Variants in CDKN2B-AS1 observed in about 807,000 individuals in gnomAD.
The protein encoded by CDKN2B-AS1 is CDKN2B antisense RNA 1 (non-protein coding).
intron 3 of CDKN2B-AS1, among the ~76,000 whole-genome samples, chr9:22,055,876 G>A (rs1482873265): frequency 1.3e-5 from 2 of 151,980 alleles, no homozygotes; most frequent in Non-Finnish European, 2.9e-5. Context: ...CATATAGGGA[G>A]GATGAATAAA....
chr9:21,996,923 C>A lies in CDKN2B-AS1; in HGVS notation n.29+1762C>A, dbSNP rs1229376576. On this transcript the variant is annotated intron_variant and non_coding_transcript_variant, in intron 1 of 4. Transcript: ENST00000650946. The surrounding 1 kb of genome is among the most constrained non-coding windows in gnomAD (Gnocchi z 5.4). Reference sequence around the variant, plus strand: ...AGGAGAAAAGGCACGTATTAAACATCTTTTGAAGTCGCTATCTATATCAGT... The same window carrying A: ...AGGAGAAAAGGCACGTATTAAACATATTTTGAAGTCGCTATCTATATCAGT... 6.6e-6 allele frequency among the ~76,000 whole-genome samples: 1 copy of A among 152,166 alleles called. No homozygotes were observed. Among genetic ancestry groups the A allele is most frequent in the Non-Finnish European group, 1.5e-5 (1 of 68,026 alleles).
chr9:22,071,420 G>A (rs948356635), intron 4 of CDKN2B-AS1, among the ~76,000 whole-genome samples: 6 of 147,346 alleles, frequency 4.1e-5, no homozygotes, highest in Admixed American at 2.1e-4. Flanking sequence ...AAGTATACGA[G>A]TACCTAGAAA....
chr9:22,090,508 A>G (rs1825040080), intron 4 of CDKN2B-AS1, among the ~76,000 whole-genome samples: 1 of 152,128 alleles, frequency 6.6e-6, no homozygotes, highest in East Asian at 1.9e-4. Flanking sequence ...TGACTTTTTA[A>G]TGATCGCCAT....
rs1820810405 is a variant in CDKN2B-AS1 at position 21,999,045 on chromosome 9, T to C, written n.29+3884T>C. Among the ~76,000 whole-genome samples the C allele has an allele frequency of 6.6e-6, 1 of 152,106 alleles. No homozygotes were observed. The highest frequency in any genetic ancestry group is 2.4e-5 in the African/African-American group (1 of 41,436). On this transcript the variant is annotated intron_variant and non_coding_transcript_variant, in intron 1 of 4. Transcript: ENST00000650946. This position sits in a 1 kb window ranked among gnomAD's most constrained non-coding sequence, Gnocchi z 4.7. ...ATAGTAAAAAATAAAAAGATAATCTTACTCATTAATAAATGTAAACAGAAA... is the reference window on the plus strand; with the variant it reads ...ATAGTAAAAAATAAAAAGATAATCTCACTCATTAATAAATGTAAACAGAAA...
chr9:22,127,132 A>T (rs1818032932), exon 5 of CDKN2B-AS1, among the ~76,000 whole-genome samples: 1 of 151,936 alleles, frequency 6.6e-6, no homozygotes, highest in Admixed American at 6.6e-5. Context: ...CCCAGGCTGG[A>T]GTGCAGTGGC....
chr9:21,998,242 A>T (rs1820771700), intron 1 of CDKN2B-AS1, among the ~76,000 whole-genome samples: 1 of 152,254 alleles, frequency 6.6e-6, no homozygotes. Flanking sequence ...GGTATGTGGT[A>T]TTCCAAATAC....
At chr9:22,077,589 GAGGCT>G (rs1824545685) in intron 4 of CDKN2B-AS1, 1 of 152,140 alleles carries the variant, frequency 6.6e-6, no homozygotes. Context: ...ATAGTCACCT[GAGGCT>G]AGTGACAACG....
intron 4 of CDKN2B-AS1, among the ~76,000 whole-genome samples, chr9:22,115,368 C>T (rs1825920931): frequency 6.6e-6 from 1 of 152,108 alleles, no homozygotes; most frequent in Non-Finnish European, 1.5e-5. Context: ...CATGCATAAA[C>T]TAGGATGGTT....
chr9:22,022,665 A>T (rs992519008), intron 1 of CDKN2B-AS1, among the ~76,000 whole-genome samples: 1 of 152,056 alleles, frequency 6.6e-6, no homozygotes, highest in Non-Finnish European at 1.5e-5. Flanking sequence ...TGATCCTGTC[A>T]TCATAATGCT....
chr9:22,028,852 A>G (rs73652825), intron 1 of CDKN2B-AS1, among the ~76,000 whole-genome samples: 2,339 of 152,276 alleles, frequency 0.015, 40 homozygotes, highest in African/African-American at 0.039. Flanking sequence ...TTGGCATGAT[A>G]CAAATAAATT....
At chr9:22,049,491 A>C (rs1465678502) in intron 3 of CDKN2B-AS1, among the ~76,000 whole-genome samples, 1 of 152,182 alleles carries the variant, frequency 6.6e-6, no homozygotes, top group African/African-American at 2.4e-5. Context: ...CTCTCTGCAC[A>C]CTGCATCCTC....
intron 4 of CDKN2B-AS1, among the ~76,000 whole-genome samples, chr9:22,073,212 C>T (rs1824366607): frequency 1.3e-5 from 2 of 152,146 alleles, no homozygotes; most frequent in African/African-American, 4.8e-5. Context: ...AATAGGTATA[C>T]TCTTGAAAAT....
intron 4 of CDKN2B-AS1, among the ~76,000 whole-genome samples, chr9:22,124,730 G>C (rs1444194628): frequency 6.6e-6 from 1 of 152,214 alleles, no homozygotes. Flanking sequence ...GTCTAGCCAT[G>C]TCAGGGCCAG....
At chr9:22,103,429 A>G (rs1158242975) in intron 4 of CDKN2B-AS1, among the ~76,000 whole-genome samples, 2 of 152,100 alleles carry the variant, frequency 1.3e-5, no homozygotes, top group Non-Finnish European at 2.9e-5. Flanking sequence ...GGGGGTTGCC[A>G]GAGAGAAGTG....
chr9:22,078,315 C>G (rs1483188374), intron 4 of CDKN2B-AS1, among the ~76,000 whole-genome samples: 1 of 151,888 alleles, frequency 6.6e-6, no homozygotes, highest in Non-Finnish European at 1.5e-5. Flanking sequence ...TCGTATCAAA[C>G]TTATCAGTAG....
chr9:22,040,188 T>C (rs1822844226), intron 1 of CDKN2B-AS1, among the ~76,000 whole-genome samples: 1 of 152,040 alleles, frequency 6.6e-6, no homozygotes, highest in South Asian at 2.1e-4. Flanking sequence ...CCTAGCCGAC[T>C]AACACACCAC....
In CDKN2B-AS1 at chr9:22,006,743, GT is replaced by G. The variant is rs796382099; in HGVS notation, n.29+11589del. ...TTTAGGGGAGAAAATAAACAACTAA[GT>G]TTTTTTCTTTCTTTTTTTTTTAATT... On this transcript the variant is annotated intron_variant and non_coding_transcript_variant, in intron 1 of 4. Coordinates refer to ENST00000650946, the Ensembl canonical transcript of CDKN2B-AS1. This position sits in a 1 kb window ranked among gnomAD's most constrained non-coding sequence, Gnocchi z 6.4. Among the ~76,000 whole-genome samples, 1 of 151,704 alleles carries G rather than the reference GT, an allele frequency of 6.6e-6. No homozygotes were observed. The highest frequency in any genetic ancestry group is 2.4e-5 in the African/African-American group (1 of 41,314).
At chr9:22,117,368 T>G (rs896181505) in intron 4 of CDKN2B-AS1, among the ~76,000 whole-genome samples, 2 of 152,184 alleles carry the variant, frequency 1.3e-5, no homozygotes, top group African/African-American at 4.8e-5. Flanking sequence ...TTCTTTGATA[T>G]GACAACCCCT....
At chr9:22,040,416 C>G (rs1822851492) in intron 1 of CDKN2B-AS1, among the ~76,000 whole-genome samples, 1 of 152,016 alleles carries the variant, frequency 6.6e-6, no homozygotes, top group Admixed American at 6.6e-5. Context: ...TTACTCTACT[C>G]AATTCTAGTT....
Sources: allele counts gnomAD v4.1 joint callset (sites outside exome capture counted in the v4.1 genomes callset), GRCh38; gene constraint gnomAD v4.1.1; non-coding constraint Gnocchi (gnomAD v3.1); transcripts MANE v1.5; gene names NCBI Gene and HGNC (gene_info 2026-07-23, HGNC 2026-07-21).